ADGRB3: variants seen among roughly 807,000 people sequenced by gnomAD.
ADGRB3 encodes brain-specific angiogenesis inhibitor 3.
A neutral mutation model predicts 193.4 loss-of-function variants in ADGRB3; 37 were observed. The observed-to-expected ratio is 0.19, with a 90% CI of 0.15 to 0.25. The LOEUF is 0.25. Ranked by LOEUF, ADGRB3 falls within the 10% of genes least tolerant of loss-of-function variation. ADGRB3 has a pLI of 1.00. For missense variants in ADGRB3, 1,637 were observed against 1,852.9 expected, an observed-to-expected ratio of 0.88 and a Z score of 2.14; for synonymous variants, 690 against 644.2, an observed-to-expected ratio of 1.07 and a Z score of -1.08.
At chr6:68,970,252 A>T (rs943604458) in intron 8 of ADGRB3, among the ~76,000 whole-genome samples, 1 of 151,636 alleles carries the variant, frequency 6.6e-6, no homozygotes, top group Non-Finnish European at 1.5e-5. Context: ...CCTTTGACTA[A>T]AAGAATGTCT....
chr6:68,709,073 G>C (rs1363433924), intron 3 of ADGRB3, among the ~76,000 whole-genome samples: 1 of 152,132 alleles, frequency 6.6e-6, no homozygotes, highest in Non-Finnish European at 1.5e-5. Flanking sequence ...TGGACATTTT[G>C]AACCTTTTAC....
chr6:69,323,899 T>A (rs1466126569), intron 20 of ADGRB3, among the ~76,000 whole-genome samples: 2 of 152,088 alleles, frequency 1.3e-5, no homozygotes, highest in Non-Finnish European at 2.9e-5. Flanking sequence ...TAGTTTTATT[T>A]CTTTGTATTG....
At chr6:68,763,939 G>T (rs1374948072) in intron 3 of ADGRB3, among the ~76,000 whole-genome samples, 6 of 152,070 alleles carry the variant, frequency 3.9e-5, no homozygotes, top group Non-Finnish European at 7.4e-5. Flanking sequence ...CTGGTGTGTT[G>T]GAGTGTGTCT....
Position 68,949,302 on chromosome 6 carries a change from G to T in ADGRB3, c.1195+5308G>T, listed in dbSNP as rs114639414. 1.6e-3 allele frequency among the ~76,000 whole-genome samples: 247 copies of T among 152,210 alleles called. 3 individuals are homozygous for T. The highest frequency in any genetic ancestry group is 5.7e-3 in the African/African-American group (238 of 41,546). On this transcript the variant is annotated intron_variant, in intron 6 of 31. Transcript: ENST00000370598. ...TGAGCAGTGTCACACCCGTCAAGCT[G>T]CATTTGAGAAATGCTTTCCTGGGAG... is the stretch of plus-strand genomic sequence containing the variant.
At chr6:69,277,605 A>G (rs1767331771) in intron 20 of ADGRB3, among the ~76,000 whole-genome samples, 1 of 152,174 alleles carries the variant, frequency 6.6e-6, no homozygotes, top group South Asian at 2.1e-4. Context: ...AGGTGGCATC[A>G]TTGGCTGCAT....
chr6:68,980,815 G>A (rs1349795676), intron 10 of ADGRB3, among the ~76,000 whole-genome samples: 1 of 151,286 alleles, frequency 6.6e-6, no homozygotes, highest in Non-Finnish European at 1.5e-5. Context: ...ATATAATAAG[G>A]CTGGAACGTG....
intron 3 of ADGRB3, among the ~76,000 whole-genome samples, chr6:68,703,788 A>G (rs962224623): frequency 3.9e-5 from 6 of 151,928 alleles, no homozygotes; most frequent in Admixed American, 3.9e-4. Flanking sequence ...ATGCCCAGCT[A>G]ATTTTTGTAT....
At chr6:69,104,338 C>T (rs1026693670) in intron 17 of ADGRB3, among the ~76,000 whole-genome samples, 9 of 151,510 alleles carry the variant, frequency 5.9e-5, no homozygotes, top group Non-Finnish European at 1.5e-5. Flanking sequence ...TTTCCAATTT[C>T]ATCCATGTCC....
intron 17 of ADGRB3, among the ~76,000 whole-genome samples, chr6:69,175,301 G>C (rs1355223283): frequency 6.6e-6 from 1 of 152,208 alleles, no homozygotes; most frequent in Non-Finnish European, 1.5e-5. Context: ...AACCCATCTT[G>C]AGTCGATTTT....
At chr6:68,729,662 G>T (rs1582153902) in intron 3 of ADGRB3, among the ~76,000 whole-genome samples, 1 of 151,558 alleles carries the variant, frequency 6.6e-6, no homozygotes, top group East Asian at 2.0e-4. Flanking sequence ...ACAGATTCAG[G>T]GCCAAAATTT....
intron 20 of ADGRB3, among the ~76,000 whole-genome samples, chr6:69,313,570 T>A (rs1768244469): frequency 6.6e-6 from 1 of 151,804 alleles, no homozygotes; most frequent in South Asian, 2.1e-4. Context: ...ATTTTATATT[T>A]GCATTATTAT....
Position 69,014,062 on chromosome 6 carries a change from C to T in ADGRB3, c.1954C>T (p.Leu652Phe). 6.3e-7 allele frequency: 1 copy of T among 1,598,342 alleles called. No homozygotes were observed. The highest frequency in any genetic ancestry group is 1.1e-5 in the South Asian group (1 of 89,254). The part of the protein sequence containing the change: ...VQNFFQIVSN[L>F]LDEENKEKWE... ...GAACTTCTTTCAAATAGTTAGCAAC[C>T]TTCTAGATGAAGAAAACAAGGAAAA... The change falls in exon 12 of 32, where the codon CTT becomes TTT. Residue 652 changes from leucine to phenylalanine, a missense_variant. Physicochemically the swap from Leu to Phe is conservative, Grantham distance 22 (BLOSUM62 0). Around this residue, in one of 7 missense-constraint regions of ADGRB3, gnomAD observed 641 missense variants for 673.9 expected, o/e 0.95. Transcript: ENST00000370598.
intron 17 of ADGRB3, among the ~76,000 whole-genome samples, chr6:69,096,203 T>C (rs916587100): frequency 6.6e-6 from 1 of 152,160 alleles, no homozygotes; most frequent in Non-Finnish European, 1.5e-5. Flanking sequence ...TTTTCACCAC[T>C]AACTGTTATA....
At chr6:68,845,743 C>G (rs1768261433) in intron 3 of ADGRB3, among the ~76,000 whole-genome samples, 2 of 152,158 alleles carry the variant, frequency 1.3e-5, no homozygotes. Context: ...CCATGTGAAA[C>G]TGTAAGTCCA....
intron 3 of ADGRB3, among the ~76,000 whole-genome samples, chr6:68,687,754 T>G (rs879501383): frequency 6.6e-6 from 1 of 152,092 alleles, no homozygotes; most frequent in Non-Finnish European, 1.5e-5. Flanking sequence ...CACAGATAAA[T>G]GTACAACTAA....
chr6:69,047,127 G>A (rs1163938155), intron 13 of ADGRB3, among the ~76,000 whole-genome samples: 1 of 152,136 alleles, frequency 6.6e-6, no homozygotes, highest in Non-Finnish European at 1.5e-5. Flanking sequence ...CCAAAGTGCT[G>A]GGATTACAGG....
chr6:69,287,016 A>G (rs1366574950), intron 20 of ADGRB3, among the ~76,000 whole-genome samples: 2 of 152,180 alleles, frequency 1.3e-5, no homozygotes, highest in Non-Finnish European at 2.9e-5. Context: ...ATTTCATATG[A>G]ACAGCTATTT....
At chr6:69,112,822 A>G (rs1773405550) in intron 17 of ADGRB3, among the ~76,000 whole-genome samples, 1 of 152,080 alleles carries the variant, frequency 6.6e-6, no homozygotes, top group Admixed American at 6.6e-5. Context: ...CAGTGGCACA[A>G]TCTTGGCTCA....
intron 17 of ADGRB3, among the ~76,000 whole-genome samples, chr6:69,163,423 G>A (rs901855719): frequency 6.6e-6 from 1 of 151,926 alleles, no homozygotes; most frequent in Non-Finnish European, 1.5e-5. Context: ...GATTTGCTCT[G>A]CAAATTACAA....
Sources: gnomAD v4.1 joint callset for allele counts (sites outside exome capture counted in the v4.1 genomes callset) on GRCh38, gnomAD v4.1.1 for gene constraint, gnomAD v4.1.1 regional missense constraint, MANE v1.5 for transcripts, NCBI Gene and HGNC (gene_info 2026-07-23, HGNC 2026-07-21) for gene names.